The following RBM48 variants were observed in gnomAD, a reference collection of about 807,000 sequenced individuals.
RBM48 encodes the protein RNA-binding protein 48.
Under a neutral mutation model 34.8 loss-of-function variants are expected in RBM48, and 32 were observed. The ratio of observed to expected loss-of-function variants is 0.92; its 90% CI spans 0.69 to 1.23. The LOEUF (loss-of-function observed/expected upper bound fraction) is 1.23. RBM48 is among the 50% of genes most tolerant of loss of function. The pLI is 0.00. For missense variants in RBM48, 441 were observed against 447.2 expected (o/e 0.99, Z 0.12); for synonymous variants, 151 against 156.2 (o/e 0.97, Z 0.25).
intron 3 of RBM48, 116 bp from the exon 4 acceptor site, chr7:92,534,286 G>T: frequency 7.3e-7 from 1 of 1,372,850 alleles, no homozygotes; most frequent in Non-Finnish European, 1.0e-6. Context: ...GATTTTTTTG[G>T]AGTAGAATTT....
chr7:92,529,077 A>T (rs1192936059), intron 1 of RBM48, 153 bp downstream of exon 1: 2 of 674,658 alleles, frequency 3.0e-6, no homozygotes, highest in Non-Finnish European at 5.3e-6. Context: ...TCAGTTACCA[A>T]AGATTCTCAC....
intron 4 of RBM48, chr7:92,535,826 T>G: frequency 1.0e-6 from 1 of 982,558 alleles, no homozygotes; most frequent in Non-Finnish European, 1.2e-6. Context: ...GGCACAGTTT[T>G]GAAGCCTTCT....
Position 92,534,791 on chromosome 7 carries a change from C to A in RBM48, c.838C>A (p.Gln280Lys). Residue 280 changes from glutamine to lysine, a missense_variant, in exon 4 of 5, where the codon CAA becomes AAA. Physicochemically the swap from Gln to Lys is moderately conservative, Grantham distance 53. Coordinates refer to ENST00000265732, the MANE Select transcript of RBM48 (RefSeq NM_032120.4). ...TGACAGATTTATGCCTAGGACAACA[C>A]AACTGCAGGAGCGCAAAAGAAGAAG... ...AVDRFMPRTT[Q>K]LQERKRRRED... The A allele has an allele frequency of 6.2e-7, 1 of 1,614,158 alleles. No individual in the cohort carries two copies. The highest frequency in any genetic ancestry group is 1.3e-5 in the African/African-American group (1 of 75,036).
chr7:92,535,048 T>C (rs1226354960), intron 4 of RBM48, 78 bp downstream of exon 4: 2 of 1,543,568 alleles, frequency 1.3e-6, no homozygotes, highest in South Asian at 2.4e-5. Context: ...GTGGGAACAA[T>C]AGTACTGTAA....
chr7:92,529,403 T>A (rs1793479780), intron 1 of RBM48, 73 bp from the exon 2 acceptor site: 81 of 838,652 alleles, frequency 9.7e-5, no homozygotes, highest in Non-Finnish European at 1.3e-4. Context: ...AAGTTCTCTT[T>A]AAAAAAAAAT....
At chr7:92,529,259 C>T (rs890943358) in intron 1 of RBM48, 2 of 573,414 alleles carry the variant, frequency 3.5e-6, no homozygotes, top group Non-Finnish European at 6.1e-6. Context: ...AAAAAAATGT[C>T]GACTGAAGGT....
Position 92,534,705 on chromosome 7 carries a change from CTT to C in RBM48, c.754_755del (p.Leu252GlufsTer20), listed in dbSNP as rs763571655. The C allele has an allele frequency of 1.3e-5, 21 of 1,614,152 alleles. No individual in the cohort carries two copies. In the African/African-American group the frequency reaches 2.0e-4, roughly 15 times the overall value. On this transcript the variant is annotated frameshift_variant, in exon 4 of 5. Coordinates refer to ENST00000265732, the MANE Select transcript of RBM48 (RefSeq NM_032120.4). LOFTEE classifies it high-confidence loss of function. ...TCTTTGCGGAAAACACAGATAAACT[CTT>C]TGAAAAACTCAGTGGCCTGCCCTGG...
intron 4 of RBM48, chr7:92,536,528 C>T: frequency 1.0e-6 from 1 of 1,000,776 alleles, no homozygotes; most frequent in Non-Finnish European, 1.2e-6. Flanking sequence ...GAATGCAAAA[C>T]CAGGATATCT....
chr7:92,529,618 A>G lies in RBM48; in HGVS notation c.254A>G (p.Asp85Gly). The G allele has an allele frequency of 6.2e-7, 1 of 1,609,014 alleles. No homozygotes were observed. The highest frequency in any genetic ancestry group is 8.5e-7 in the Non-Finnish European group (1 of 1,177,072). Residue 85 changes from aspartate to glycine, a missense_variant, in exon 2 of 5, where the codon GAC (aspartate) becomes GGC (glycine). Asp to Gly is a moderately conservative substitution (Grantham distance 94). Transcript: ENST00000265732. Reference sequence around the variant, plus strand: ...GCTCTAGATGAATACCCAGCAGAAGACTTTACTGAAGTTTATCTTATTAAA... The same window carrying G: ...GCTCTAGATGAATACCCAGCAGAAGGCTTTACTGAAGTTTATCTTATTAAA... ...YNALDEYPAEDFTEVYLIKFM... is the reference protein window; with the variant it reads ...YNALDEYPAEGFTEVYLIKFM...
rs192647729 is a variant in RBM48, at chr7:92,539,980, A to G, written c.*3043A>G. Among the ~76,000 whole-genome samples the G allele has an allele frequency of 1.3e-5, 2 of 152,352 alleles. No homozygotes were observed. The highest frequency in any genetic ancestry group is 1.9e-4 in the East Asian group (1 of 5,194). On this transcript the variant is annotated 3_prime_UTR_variant, in exon 5 of 5. Coordinates refer to ENST00000265732, the MANE Select transcript of RBM48 (RefSeq NM_032120.4). ...CAGTGTTCTATCCCTTAAGCAAGCC[A>G]ATATACCCTGGATTTGGTTTGGGAA...
chr7:92,536,300 G>T, intron 4 of RBM48: 1 of 978,292 alleles, frequency 1.0e-6, no homozygotes. Flanking sequence ...ACAAAAAAAA[G>T]ATATTAAATA....
chr7:92,529,090 C>T (rs1210168894), intron 1 of RBM48, 166 bp downstream of exon 1: 2 of 654,258 alleles, frequency 3.1e-6, no homozygotes, highest in South Asian at 1.7e-5. Flanking sequence ...ATTCTCACGA[C>T]GCCTTTGGTC....
chr7:92,530,783 G>C (rs1383851214), intron 2 of RBM48, among the ~76,000 whole-genome samples: 1 of 150,874 alleles, frequency 6.6e-6, no homozygotes, highest in East Asian at 1.9e-4. Context: ...CTGGGCAAGA[G>C]TGAGACTGTC....
At position 92,534,945 on chromosome 7, in the gene RBM48, A is replaced by T. The variant is rs777288338; in HGVS notation, c.992A>T (p.Asn331Ile). Reference sequence around the variant, plus strand: ...GATGACTCATTGAATACAACGGCGAATTTAATTCGGCATAAACTTAAAGAG... The same window carrying T: ...GATGACTCATTGAATACAACGGCGATTTTAATTCGGCATAAACTTAAAGAG... ...MHDDSLNTTA[N>I]LIRHKLKEVI... Residue 331 changes from asparagine to isoleucine, a missense_variant, in exon 4 of 5, where the codon AAT becomes ATT. Coordinates refer to ENST00000265732, the MANE Select transcript of RBM48 (RefSeq NM_032120.4). 6.2e-6 allele frequency: 10 copies of T among 1,614,078 alleles called. No individual in the cohort carries two copies. Among genetic ancestry groups the T allele is most frequent in the Non-Finnish European group, 8.5e-6 (10 of 1,180,038 alleles).
Position 92,537,829 on chromosome 7 carries a change from C to G in RBM48, c.*892C>G, listed in dbSNP as rs1298178628. On this transcript the variant is annotated 3_prime_UTR_variant, in exon 5 of 5. Transcript: ENST00000265732. ...AGTACATCTAGACTGTCTCTATTTT[C>G]TTTTTCTTTTTTTATTTTTAGTAGA... 6.6e-6 allele frequency: 1 copy of G among 152,078 alleles called. No homozygotes were observed. The highest frequency in any genetic ancestry group is 2.4e-5 in the African/African-American group (1 of 41,422). The allele number at this position is 152,078 out of a possible 1,614,324, so 9.4% of individuals were successfully genotyped here. A position where few individuals can be genotyped will look rare whatever the true frequency, so the allele number is the denominator to read the frequency against.
In RBM48 at chr7:92,537,561, G is replaced by A. The variant is rs1279297270; in HGVS notation, c.*624G>A. On this transcript the variant is annotated 3_prime_UTR_variant, in exon 5 of 5. Transcript: ENST00000265732. Reference sequence around the variant, plus strand: ...TATTGAATGAACCATTGAAACACTAGAAGTCAGGATGTTTCCGAATGCCAG... The same window carrying A: ...TATTGAATGAACCATTGAAACACTAAAAGTCAGGATGTTTCCGAATGCCAG... The A allele has an allele frequency of 6.6e-6, 1 of 152,178 alleles. No homozygotes were observed. Among genetic ancestry groups the A allele is most frequent in the African/African-American group, 2.4e-5 (1 of 41,442 alleles). The allele number at this position is 152,178 out of a possible 1,614,324, so 9.4% of individuals were successfully genotyped here.
chr7:92,535,898 G>A (rs893649557), intron 4 of RBM48: 1 of 788,560 alleles, frequency 1.3e-6, no homozygotes, highest in Non-Finnish European at 1.5e-6. Context: ...ACTTTGGGAG[G>A]CTGAGGTGAG....
chr7:92,536,471 A>C, intron 4 of RBM48: 2 of 987,936 alleles, frequency 2.0e-6, no homozygotes, highest in Non-Finnish European at 2.4e-6. Context: ...TCATTTCTCC[A>C]AAGGTTTTCA....
rs563272098 is a variant in RBM48 at position 92,539,749 on chromosome 7, A to G, written c.*2812A>G. ...GTTTGAAAAGCATAGTTGATAAAGG[A>G]AGAACATGTAAGGCAATTTTATGAG... On this transcript the variant is annotated 3_prime_UTR_variant, in exon 5 of 5. Transcript: ENST00000265732. Among the ~76,000 whole-genome samples, 2 of 152,346 alleles carry G rather than the reference A, an allele frequency of 1.3e-5. No homozygotes were observed. The highest frequency in any genetic ancestry group is 1.9e-4 in the East Asian group (1 of 5,180).
Sources: gnomAD v4.1 joint callset for allele counts (sites outside exome capture counted in the v4.1 genomes callset) on GRCh38, gnomAD v4.1.1 for gene constraint, MANE v1.5 for transcripts, NCBI Gene and HGNC (gene_info 2026-07-23, HGNC 2026-07-21) for gene names.